Variants in ZSCAN26 observed in about 807,000 individuals in gnomAD.
ZSCAN26 encodes zinc finger and SCAN domain containing 26, also known as zinc finger and SCAN domain-containing protein 26.
Under a neutral mutation model 23.0 loss-of-function variants are expected in ZSCAN26, and 26 were observed. That is an observed-to-expected ratio of 1.13 (90% CI 0.83 to 1.57). The LOEUF is 1.57. Among genes scored for constraint, ZSCAN26 ranks in the 40% most tolerant of loss-of-function variants. The probability of loss-of-function intolerance (pLI) is 0.00; values close to 1 mark genes in which losing one functional copy is unlikely to be tolerated. For missense variants in ZSCAN26, 528 were observed against 568.5 expected (o/e 0.93, Z 0.72); for synonymous variants, 180 against 202.5 (o/e 0.89, Z 0.94).
chr6:28,276,967 C>G lies in ZSCAN26; in HGVS notation c.1311C>G (p.His437Gln). Reference protein sequence around the residue: ...ICQKAFRLNSHLAQHVRIHNE... With the variant: ...ICQKAFRLNSQLAQHVRIHNE... ...AGAAAGCCTTCCGACTAAACTCACA[C>G]CTTGCTCAGCATGTAAGAATCCACA... Residue 437 changes from histidine to glutamine, a missense_variant, in exon 4 of 4, where the codon CAC becomes CAG. Transcript: ENST00000421553. The G allele has an allele frequency of 6.2e-7, 1 of 1,614,024 alleles. No individual in the cohort carries two copies. Among genetic ancestry groups the G allele is most frequent in the East Asian group, 2.2e-5 (1 of 44,888 alleles).
intron 1 of ZSCAN26, among the ~76,000 whole-genome samples, chr6:28,270,293 CTGTT>C (rs1392736830): frequency 6.6e-6 from 1 of 152,080 alleles, no homozygotes; most frequent in Non-Finnish European, 1.5e-5. Context: ...TAACAGCAAA[CTGTT>C]TGGAGGCTAA....
chr6:28,277,765 T>C lies in ZSCAN26; in HGVS notation c.*669T>C, dbSNP rs1463933093. 5 of 152,246 alleles carry C rather than the reference T, an allele frequency of 3.3e-5. No homozygotes were observed. The highest frequency in any genetic ancestry group is 5.9e-5 in the Non-Finnish European group (4 of 68,048). 9.4% of individuals were successfully genotyped at this position (152,246 alleles called of 1,614,324 possible). ...CCACATTATGTCAAGATTCAAGTTATAAATTAACGTTTTACTTAGACTTTG... is the reference window on the plus strand; with the variant it reads ...CCACATTATGTCAAGATTCAAGTTACAAATTAACGTTTTACTTAGACTTTG... On this transcript the variant is annotated 3_prime_UTR_variant, in exon 4 of 4. Coordinates refer to ENST00000421553, the MANE Select transcript of ZSCAN26 (RefSeq NM_001023560.4).
At chr6:28,268,929 A>G (rs2113710793) in intron 1 of ZSCAN26, among the ~76,000 whole-genome samples, 1 of 152,206 alleles carries the variant, frequency 6.6e-6, no homozygotes, top group East Asian at 1.9e-4. Context: ...CTTGGCCAAC[A>G]TGGTGAAACA....
At position 28,272,777 on chromosome 6, in the gene ZSCAN26, G is replaced by A; in HGVS notation, c.528G>A (p.Glu176=). The change falls in exon 3 of 4, where the codon GAG becomes GAA. Residue 176 remains glutamate (E), a synonymous_variant. Coordinates refer to ENST00000421553, the MANE Select transcript of ZSCAN26 (RefSeq NM_001023560.4). ...ATGAGTGTGAAGTTACAAAGCCTGAGAAAGAGAAGGGTAAGAATTGGATTG... is the reference window on the plus strand; with the variant it reads ...ATGAGTGTGAAGTTACAAAGCCTGAAAAAGAGAAGGGTAAGAATTGGATTG... The part of the protein sequence containing the change: ...VRHECEVTKP[E]KEKGEETRIE... 2 of 1,612,808 alleles carry A rather than the reference G, an allele frequency of 1.2e-6. No homozygotes were observed. The highest frequency in any genetic ancestry group is 1.7e-6 in the Non-Finnish European group (2 of 1,179,306).
At chr6:28,274,387 A>G (rs751261811) in intron 3 of ZSCAN26, among the ~76,000 whole-genome samples, 49 of 152,338 alleles carry the variant, frequency 3.2e-4, no homozygotes, top group African/African-American at 6.5e-4. Flanking sequence ...CCTTTTCTCA[A>G]TAGCCTTGCA....
rs1561873976 is a variant in ZSCAN26 at position 28,271,935 on chromosome 6, G to C, written c.16G>C (p.Val6Leu). 6.4e-7 allele frequency: 1 copy of C among 1,551,324 alleles called. No homozygotes were observed. The highest frequency in any genetic ancestry group is 2.0e-5 in the Admixed American group (1 of 50,996). Residue 6 changes from valine (V) to leucine (L), a missense_variant, in exon 2 of 4, where the codon GTG becomes CTG. Physicochemically the swap from Val to Leu is conservative, Grantham distance 32. Transcript: ENST00000421553. MATAL[V>L]SAHSLAPLNL... is the part of the protein sequence containing the mutation. Reference sequence around the variant, plus strand: ...GAAGCTGGGGATGGCAACAGCATTGGTGAGTGCCCATTCCCTGGCTCCCCT... The same window carrying C: ...GAAGCTGGGGATGGCAACAGCATTGCTGAGTGCCCATTCCCTGGCTCCCCT...
Position 28,276,409 on chromosome 6 carries a change from G to C in ZSCAN26, c.753G>C (p.Ala251=). The C allele has an allele frequency of 6.2e-7, 1 of 1,613,962 alleles. No homozygotes were observed. Among genetic ancestry groups the C allele is most frequent in the Non-Finnish European group, 8.5e-7 (1 of 1,179,874 alleles). Residue 251 remains alanine, a synonymous_variant, in exon 4 of 4, where the codon GCG becomes GCC. Transcript: ENST00000421553. ...AGCACTTGGACCTGATTGAACATGCGAGTACACACACGGGAAAGAAACTCT... is the reference window on the plus strand; with the variant it reads ...AGCACTTGGACCTGATTGAACATGCCAGTACACACACGGGAAAGAAACTCT... ...FIQHLDLIEH[A]STHTGKKLCE...
Position 28,272,076 on chromosome 6 carries a change from C to G in ZSCAN26, c.157C>G (p.Gln53Glu), listed in dbSNP as rs1191121043. ...CCTTGGACAGGAGCCATTGTGCAAA[C>G]AATTCAGGCAGTTGCGTTATGAAGA... Reference protein sequence around the residue: ...KGLGQEPLCKQFRQLRYEETT... With the variant: ...KGLGQEPLCKEFRQLRYEETT... The change falls in exon 2 of 4, where the codon CAA becomes GAA. Residue 53 changes from glutamine (Q) to glutamate (E), a missense_variant. Gln to Glu is a conservative substitution (Grantham distance 29). Coordinates refer to ENST00000421553, the MANE Select transcript of ZSCAN26 (RefSeq NM_001023560.4). 2 of 1,566,236 alleles carry G rather than the reference C, an allele frequency of 1.3e-6. No individual in the cohort carries two copies. The highest frequency in any genetic ancestry group is 1.4e-5 in the African/African-American group (1 of 73,532).
At position 28,271,933 on chromosome 6, in the gene ZSCAN26, T is replaced by C. The variant is rs1761702425; in HGVS notation, c.14T>C (p.Leu5Ser). The change falls in exon 2 of 4, where the codon TTG becomes TCG. Residue 5 changes from leucine (L) to serine (S), a missense_variant. Transcript: ENST00000421553. MATA[L>S]VSAHSLAPLN... ...CTGAAGCTGGGGATGGCAACAGCAT[T>C]GGTGAGTGCCCATTCCCTGGCTCCC... 2 of 1,551,018 alleles carry C rather than the reference T, an allele frequency of 1.3e-6. No individual in the cohort carries two copies. The highest frequency in any genetic ancestry group is 1.7e-6 in the Non-Finnish European group (2 of 1,146,654).
At chr6:28,269,168 A>T (rs543653647) in intron 1 of ZSCAN26, among the ~76,000 whole-genome samples, 1 of 151,834 alleles carries the variant, frequency 6.6e-6, no homozygotes, top group Non-Finnish European at 1.5e-5. Flanking sequence ...ATCATACCAC[A>T]TGTTTATTTA....
intron 1 of ZSCAN26, among the ~76,000 whole-genome samples, chr6:28,267,779 A>G (rs1761505690): frequency 6.6e-6 from 1 of 152,192 alleles, no homozygotes; most frequent in African/African-American, 2.4e-5. Context: ...AGCAGAAGAA[A>G]ACATGATCTG....
intron 3 of ZSCAN26, among the ~76,000 whole-genome samples, chr6:28,273,015 AGAGAT>A (rs1301534925): frequency 2.6e-5 from 4 of 152,254 alleles, no homozygotes; most frequent in Non-Finnish European, 4.4e-5. Flanking sequence ...TCAAGAGATA[AGAGAT>A]ATCTATCACC....
rs1054418510 is a variant in ZSCAN26 at position 28,272,801 on chromosome 6, T to G, written c.538+14T>G. 5 of 1,601,024 alleles carry G rather than the reference T, an allele frequency of 3.1e-6. No homozygotes were observed. Among genetic ancestry groups the G allele is most frequent in the Non-Finnish European group, 4.3e-6 (5 of 1,169,576 alleles). ...AGAAAGAGAAGGGTAAGAATTGGATTGCATCTTCTGTGTGTGAGACGTGGT... is the reference window on the plus strand; with the variant it reads ...AGAAAGAGAAGGGTAAGAATTGGATGGCATCTTCTGTGTGTGAGACGTGGT... On this transcript the variant is annotated intron_variant, in intron 3 of 3. Coordinates refer to ENST00000421553, the MANE Select transcript of ZSCAN26 (RefSeq NM_001023560.4).
At chr6:28,270,340 C>T (rs192629348) in intron 1 of ZSCAN26, among the ~76,000 whole-genome samples, 78 of 152,244 alleles carry the variant, frequency 5.1e-4, no homozygotes, top group Middle Eastern at 6.8e-3. Flanking sequence ...TCCCGTTCTC[C>T]CACTTACCGC....
At chr6:28,267,398 A>C (rs2799079) in intron 1 of ZSCAN26, 185 bp downstream of exon 1, 25,350 of 151,978 alleles carry the variant, frequency 0.17, 2,488 homozygotes, top group African/African-American at 0.27. Context: ...AACAGAGTAC[A>C]ACCTTCTGCT....
At chr6:28,269,646 G>A (rs1761599722) in intron 1 of ZSCAN26, among the ~76,000 whole-genome samples, 1 of 152,146 alleles carries the variant, frequency 6.6e-6, no homozygotes, top group Admixed American at 6.5e-5. Context: ...CTGATGGCAA[G>A]AAAAAAGCTG....
Position 28,272,128 on chromosome 6 carries a change from G to C in ZSCAN26, c.209G>C (p.Ser70Thr). ...ACCACAGGACCTCGAGAAGCACTAA[G>C]TCGGCTCCGGGAGCTCTGTCAACAG... The part of the protein sequence containing the change: ...EETTGPREAL[S>T]RLRELCQQWL... The change falls in exon 2 of 4, where the codon AGT becomes ACT. Residue 70 changes from serine to threonine, a missense_variant. Transcript: ENST00000421553. 1 of 1,607,582 alleles carries C rather than the reference G, an allele frequency of 6.2e-7. No individual in the cohort carries two copies. Among genetic ancestry groups the C allele is most frequent in the Non-Finnish European group, 8.5e-7 (1 of 1,176,726 alleles).
chr6:28,272,950 C>T (rs765212664), intron 3 of ZSCAN26, among the ~76,000 whole-genome samples, 163 bp downstream of exon 3: 7 of 152,134 alleles, frequency 4.6e-5, no homozygotes, highest in Non-Finnish European at 8.8e-5. Context: ...TTTAGATGTA[C>T]AGGTCAATGA....
intron 3 of ZSCAN26, 94 bp from the exon 4 acceptor site, chr6:28,276,099 CAT>C (rs548288656): frequency 3.5e-6 from 4 of 1,135,724 alleles, no homozygotes; most frequent in Non-Finnish European, 5.0e-6. Flanking sequence ...ACTTTGCACA[CAT>C]GGCTTCATTA....
Sources: gnomAD v4.1 joint callset for allele counts (sites outside exome capture counted in the v4.1 genomes callset) on GRCh38, gnomAD v4.1.1 for gene constraint, MANE v1.5 for transcripts, NCBI Gene and HGNC (gene_info 2026-07-23, HGNC 2026-07-21) for gene names.